Variants in SMYD3 observed in about 807,000 individuals in gnomAD.
SMYD3 encodes the protein histone-lysine N-methyltransferase SMYD3.
In SMYD3, 36 loss-of-function variants were observed where a neutral mutation model predicts 57.7. That is an observed-to-expected ratio of 0.62 (90% CI 0.48 to 0.82). The LOEUF is 0.82. Ranked by LOEUF, SMYD3 falls within the 40% of genes least tolerant of loss-of-function variation. The probability of loss-of-function intolerance (pLI) is 0.00; values close to 1 mark genes in which losing one functional copy is unlikely to be tolerated. For synonymous variants in SMYD3, 211 were observed against 195.0 expected (o/e 1.08, Z -0.68); for missense variants, 515 against 538.8 (o/e 0.96, Z 0.44).
chr1:246,502,661 G>A (rs1022871513), intron 1 of SMYD3, among the ~76,000 whole-genome samples: 4 of 152,036 alleles, frequency 2.6e-5, no homozygotes, highest in African/African-American at 7.3e-5. Context: ...AGGTCTTATC[G>A]GACATCCTAG....
At chr1:245,769,295 C>T (rs767488110) in intron 10 of SMYD3, among the ~76,000 whole-genome samples, 4 of 152,254 alleles carry the variant, frequency 2.6e-5, no homozygotes, top group East Asian at 1.9e-4. Context: ...AAGTGCCATC[C>T]GACGCAGAAG....
At chr1:246,354,046 C>T (rs1339087767) in intron 2 of SMYD3, among the ~76,000 whole-genome samples, 1 of 152,134 alleles carries the variant, frequency 6.6e-6, no homozygotes, top group African/African-American at 2.4e-5. Flanking sequence ...AAGAAAACCC[C>T]TGAGACAAGC....
intron 11 of SMYD3, among the ~76,000 whole-genome samples, chr1:245,760,794 A>C (rs1220329208): frequency 1.3e-5 from 2 of 152,200 alleles, no homozygotes; most frequent in Non-Finnish European, 2.9e-5. Context: ...CGTGTACCCC[A>C]AACTACAAAC....
chr1:246,176,993 A>G (rs1202487621), intron 5 of SMYD3, among the ~76,000 whole-genome samples: 5 of 152,250 alleles, frequency 3.3e-5, no homozygotes, highest in Non-Finnish European at 5.9e-5. Flanking sequence ...GGAAAAGGAA[A>G]AGAAACTTTA....
At chr1:246,279,857 T>C (rs1220112482) in intron 5 of SMYD3, among the ~76,000 whole-genome samples, 1 of 152,196 alleles carries the variant, frequency 6.6e-6, no homozygotes, top group Admixed American at 6.5e-5. Context: ...AGTCTATCAT[T>C]CTACATTATA....
intron 5 of SMYD3, among the ~76,000 whole-genome samples, chr1:246,181,150 C>T (rs2062545293): frequency 6.6e-6 from 1 of 152,190 alleles, no homozygotes; most frequent in Admixed American, 6.5e-5. Context: ...TTTCATTCCA[C>T]TGAGAGAAAT....
chr1:245,894,884 C>T (rs1315261558), intron 8 of SMYD3, among the ~76,000 whole-genome samples: 1 of 152,190 alleles, frequency 6.6e-6, no homozygotes, highest in Non-Finnish European at 1.5e-5. Context: ...ATTCACGACA[C>T]CACAAATTGT....
chr1:245,901,885 C>G (rs994486122), intron 8 of SMYD3, among the ~76,000 whole-genome samples: 1 of 152,174 alleles, frequency 6.6e-6, no homozygotes, highest in African/African-American at 2.4e-5. Flanking sequence ...GCCTGCCATC[C>G]TAGCCACAGG....
chr1:246,329,386 T>A (rs1463812043), intron 4 of SMYD3, among the ~76,000 whole-genome samples: 9 of 152,316 alleles, frequency 5.9e-5, no homozygotes, highest in Non-Finnish European at 8.8e-5. Context: ...TGCCATTCTA[T>A]CTGGTGTGAG....
intron 7 of SMYD3, among the ~76,000 whole-genome samples, chr1:245,916,958 G>A (rs984504274): frequency 6.6e-6 from 1 of 150,758 alleles, no homozygotes; most frequent in African/African-American, 2.4e-5. Context: ...AAGAAACAAA[G>A]TCAATATTTA....
chr1:246,002,452 G>A (rs867664982), intron 5 of SMYD3, among the ~76,000 whole-genome samples: 2 of 49,560 alleles, frequency 4.0e-5, no homozygotes, highest in Non-Finnish European at 4.8e-5. Flanking sequence ...CCAAAGTGCT[G>A]GGATTACAGG....
At chr1:245,754,104 G>C (rs758832539) in intron 11 of SMYD3, among the ~76,000 whole-genome samples, 17 of 151,952 alleles carry the variant, frequency 1.1e-4, no homozygotes, top group Admixed American at 8.5e-4. Context: ...CCACATTACA[G>C]GCATACAGTT....
intron 5 of SMYD3, among the ~76,000 whole-genome samples, chr1:246,204,209 AT>A (rs1359576027): frequency 6.6e-6 from 1 of 152,094 alleles, no homozygotes; most frequent in Non-Finnish European, 1.5e-5. Context: ...TTTATAATCT[AT>A]TTTTCCCCTA....
chr1:245,959,765 C>G (rs1442196086), intron 5 of SMYD3, among the ~76,000 whole-genome samples: 4 of 152,250 alleles, frequency 2.6e-5, no homozygotes, highest in African/African-American at 7.2e-5. Context: ...TTTTAGTTCA[C>G]TGGACAACAT....
chr1:246,470,294 C>T (rs1313697835), intron 1 of SMYD3, among the ~76,000 whole-genome samples: 1 of 151,850 alleles, frequency 6.6e-6, no homozygotes, highest in Non-Finnish European at 1.5e-5. Flanking sequence ...GAGTTCGAGA[C>T]TAGCCTGGTC....
At chr1:245,912,109 ACTAAAAGACTCCAC>A (rs1270862250) in intron 8 of SMYD3, among the ~76,000 whole-genome samples, 1 of 152,152 alleles carries the variant, frequency 6.6e-6, no homozygotes, top group African/African-American at 2.4e-5. Flanking sequence ...ATACGGAGAA[ACTAAAAGACTCCAC>A]CAAAATACCC....
At chr1:246,129,281 T>C (rs2061553468) in intron 5 of SMYD3, among the ~76,000 whole-genome samples, 1 of 152,144 alleles carries the variant, frequency 6.6e-6, no homozygotes, top group Non-Finnish European at 1.5e-5. Flanking sequence ...TATTTCTGAA[T>C]AGTTCAATTT....
intron 1 of SMYD3, among the ~76,000 whole-genome samples, chr1:246,428,817 T>C (rs1169074692): frequency 8.6e-6 from 1 of 116,602 alleles, no homozygotes; most frequent in African/African-American, 2.7e-5. Flanking sequence ...CCCATGCTCT[T>C]AACCGCCGAT....
At chr1:246,061,304 G>C (rs2060248357) in intron 5 of SMYD3, among the ~76,000 whole-genome samples, 1 of 152,132 alleles carries the variant, frequency 6.6e-6, no homozygotes, top group African/African-American at 2.4e-5. Context: ...AGTAAGGACT[G>C]GTAGGTACCA....
Sources: allele counts gnomAD v4.1 joint callset (sites outside exome capture counted in the v4.1 genomes callset), GRCh38; gene constraint gnomAD v4.1.1; transcripts MANE v1.5; gene names NCBI Gene and HGNC (gene_info 2026-07-23, HGNC 2026-07-21).